ASAP1: variants seen among roughly 807,000 people sequenced by gnomAD.
ASAP1 encodes the protein arf-GAP with SH3 domain, ANK repeat and PH domain-containing protein 1.
Under a neutral mutation model 145.2 loss-of-function variants are expected in ASAP1, and 43 were observed. The ratio of observed to expected loss-of-function variants is 0.30; its 90% CI spans 0.23 to 0.38. The LOEUF (loss-of-function observed/expected upper bound fraction) is 0.38, where lower values mean the gene tolerates loss of function less well. Among genes scored for constraint, ASAP1 ranks in the 10% least tolerant of loss-of-function variants. The pLI is 1.00. For synonymous variants in ASAP1, 546 were observed against 515.5 expected (o/e 1.06, Z -0.80); for missense variants, 1,018 against 1,355.3 (o/e 0.75, Z 3.91).
intron 3 of ASAP1, among the ~76,000 whole-genome samples, chr8:130,282,133 T>C (rs931150142): frequency 6.6e-6 from 1 of 151,474 alleles, no homozygotes; most frequent in Non-Finnish European, 1.5e-5. Flanking sequence ...ACCAAATATA[T>C]ATGTTCTACA....
intron 3 of ASAP1, among the ~76,000 whole-genome samples, chr8:130,249,703 A>G (rs1819073557): frequency 6.6e-6 from 1 of 152,166 alleles, no homozygotes; most frequent in Admixed American, 6.5e-5. Context: ...CTTTTAAGAT[A>G]CCAGACACAC....
chr8:130,185,963 C>A (rs1814698331), intron 7 of ASAP1, among the ~76,000 whole-genome samples: 1 of 152,032 alleles, frequency 6.6e-6, no homozygotes, highest in South Asian at 2.1e-4. Flanking sequence ...GTTGACAAAG[C>A]ACATATTACA....
chr8:130,204,114 T>C (rs10087951), intron 5 of ASAP1, among the ~76,000 whole-genome samples: 4,228 of 152,210 alleles, frequency 0.028, 181 homozygotes, highest in African/African-American at 0.095. Context: ...TTGCGGGCTA[T>C]TGAGCGAAGC....
intron 25 of ASAP1, among the ~76,000 whole-genome samples, chr8:130,088,279 C>T (rs572237377): frequency 8.5e-5 from 13 of 152,050 alleles, no homozygotes; most frequent in Non-Finnish European, 1.3e-4. Flanking sequence ...TACAGGCATG[C>T]GCCACCATGC....
At chr8:130,208,205 T>C (rs1038958324) in intron 5 of ASAP1, among the ~76,000 whole-genome samples, 2 of 152,162 alleles carry the variant, frequency 1.3e-5, no homozygotes, top group South Asian at 2.1e-4. Context: ...CAGTACATTA[T>C]CAAAACGAAA....
chr8:130,331,061 T>C (rs1167751549), intron 3 of ASAP1, among the ~76,000 whole-genome samples: 1 of 152,088 alleles, frequency 6.6e-6, no homozygotes, highest in Non-Finnish European at 1.5e-5. Flanking sequence ...AAAAAGGGAA[T>C]AAGATTACTT....
intron 3 of ASAP1, among the ~76,000 whole-genome samples, chr8:130,319,074 G>A (rs192259178): frequency 2.6e-5 from 4 of 152,328 alleles, no homozygotes; most frequent in East Asian, 1.9e-4. Flanking sequence ...CTTCTGAAGC[G>A]TTTTTACAAT....
chr8:130,159,798 A>G, intron 12 of ASAP1, 66 bp downstream of exon 12: 3 of 1,285,050 alleles, frequency 2.3e-6, no homozygotes, highest in South Asian at 2.4e-5. Flanking sequence ...GTTTCCCTAT[A>G]TGAGAGACTG....
At chr8:130,182,850 A>C (rs1416205767) in intron 7 of ASAP1, among the ~76,000 whole-genome samples, 48 of 142,022 alleles carry the variant, frequency 3.4e-4, no homozygotes, top group Non-Finnish European at 2.3e-4. Flanking sequence ...AAAAAAAAAA[A>C]CCCAACTGAG....
At position 130,133,669 on chromosome 8, in the gene ASAP1, AAAC is replaced by A. The variant is rs1477700861; in HGVS notation, c.1217+624_1217+626del. ...CAGAGCGAGACTCCGTCTCAAAAAC[AAAC>A]AAACAAACAAACAAACAAAAAAAAA... On this transcript the variant is annotated intron_variant, in intron 15 of 29. Coordinates refer to ENST00000518721, the MANE Select transcript of ASAP1 (RefSeq NM_018482.4). Among the ~76,000 whole-genome samples the A allele has an allele frequency of 5.8e-5, 6 of 103,626 alleles. No individual in the cohort carries two copies. In the East Asian group the frequency reaches 6.3e-4, roughly 11 times the overall value. 68.0% of individuals were successfully genotyped at this position (103,626 alleles called of 152,430 possible). A position where few individuals can be genotyped will look rare whatever the true frequency, so the allele number is the denominator to read the frequency against.
At chr8:130,180,714 A>G in intron 8 of ASAP1, 37 bp downstream of exon 8, 2 of 1,593,248 alleles carry the variant, frequency 1.3e-6, no homozygotes, top group Non-Finnish European at 1.7e-6. Flanking sequence ...CACAGTTGTT[A>G]TAATTCTAGG....
At chr8:130,152,590 C>CTT (rs78606256) in intron 13 of ASAP1, 146 bp downstream of exon 13, 555 of 415,684 alleles carry the variant, frequency 1.3e-3, no homozygotes, top group South Asian at 2.1e-3. Flanking sequence ...CAAGATAAAA[C>CTT]TTTTTTTTTT....
chr8:130,072,188 G>A (rs753238398), intron 27 of ASAP1, among the ~76,000 whole-genome samples: 1 of 152,218 alleles, frequency 6.6e-6, no homozygotes, highest in African/African-American at 2.4e-5. Context: ...ACCATGTGGA[G>A]GCTCCTGGAG....
At chr8:130,441,340 G>A (rs1408454321) in intron 1 of ASAP1, among the ~76,000 whole-genome samples, 1 of 152,176 alleles carries the variant, frequency 6.6e-6, no homozygotes, top group Non-Finnish European at 1.5e-5. Flanking sequence ...CATGTCTAGG[G>A]CATACAGCAA....
intron 24 of ASAP1, among the ~76,000 whole-genome samples, chr8:130,106,700 C>T (rs2097537315): frequency 6.6e-6 from 1 of 152,232 alleles, no homozygotes; most frequent in Admixed American, 6.5e-5. Flanking sequence ...ACTCTCTGTG[C>T]CAGGGATGCA....
intron 15 of ASAP1, among the ~76,000 whole-genome samples, chr8:130,132,579 C>T (rs761088586): frequency 8.5e-5 from 13 of 152,148 alleles, no homozygotes; most frequent in Non-Finnish European, 1.3e-4. Flanking sequence ...GTGTGTGCCC[C>T]GAGTCTATTC....
At chr8:130,086,019 C>A (rs1003116949) in intron 25 of ASAP1, among the ~76,000 whole-genome samples, 5 of 152,184 alleles carry the variant, frequency 3.3e-5, no homozygotes, top group Admixed American at 3.3e-4. Flanking sequence ...TACCAGGGTG[C>A]CATGCTGCAG....
chr8:130,154,599 A>G (rs946670385), intron 12 of ASAP1, among the ~76,000 whole-genome samples: 1 of 152,232 alleles, frequency 6.6e-6, no homozygotes, highest in Non-Finnish European at 1.5e-5. Context: ...CATTTAAAAC[A>G]GTATCATCTT....
At chr8:130,187,339 T>G (rs539149147) in intron 6 of ASAP1, 54 bp from the exon 7 acceptor site, 2 of 1,410,470 alleles carry the variant, frequency 1.4e-6, no homozygotes, top group East Asian at 4.6e-5. Flanking sequence ...TGAAAATTAA[T>G]AAATAGTTTT....
Sources: allele counts gnomAD v4.1 joint callset (sites outside exome capture counted in the v4.1 genomes callset), GRCh38; gene constraint gnomAD v4.1.1; transcripts MANE v1.5; gene names NCBI Gene and HGNC (gene_info 2026-07-23, HGNC 2026-07-21).